ANKDD1B: variants seen among roughly 807,000 people sequenced by gnomAD.
ANKDD1B encodes ankyrin repeat and death domain containing 1B, also known as ankyrin repeat and death domain-containing protein 1B.
Under a neutral mutation model 59.7 loss-of-function variants are expected in ANKDD1B, and 57 were observed. That is an observed-to-expected ratio of 0.95 (90% CI 0.77 to 1.19). The LOEUF is 1.19. Ranked by LOEUF, ANKDD1B falls within the 50% of genes most tolerant of loss-of-function variation. The probability of loss-of-function intolerance (pLI) is 0.00; values close to 1 mark genes in which losing one functional copy is unlikely to be tolerated. For missense variants in ANKDD1B, 602 were observed against 641.9 expected, an observed-to-expected ratio of 0.94 and a Z score of 0.67; for synonymous variants, 216 against 239.5, an observed-to-expected ratio of 0.90 and a Z score of 0.91.
chr5:75,613,574 C>G (rs1046274053), intron 1 of ANKDD1B, among the ~76,000 whole-genome samples: 2 of 151,814 alleles, frequency 1.3e-5, no homozygotes, highest in African/African-American at 4.8e-5. Context: ...TATGAGGCAA[C>G]GGTATTAACT....
intron 5 of ANKDD1B, among the ~76,000 whole-genome samples, chr5:75,627,409 C>T (rs6884919): frequency 6.6e-6 from 1 of 152,174 alleles, no homozygotes; most frequent in Non-Finnish European, 1.5e-5. Context: ...AACCCCCTTT[C>T]GTTTATGCCA....
chr5:75,660,410 T>C (rs181172611), intron 10 of ANKDD1B, among the ~76,000 whole-genome samples: 1 of 152,276 alleles, frequency 6.6e-6, no homozygotes, highest in African/African-American at 2.4e-5. Context: ...ATCTATGTTG[T>C]AGCATGTGTC....
At position 75,625,902 on chromosome 5, in the gene ANKDD1B, G is replaced by A. The variant is rs115046757; in HGVS notation, c.547G>A (p.Val183Met). 7,561 of 1,536,182 alleles carry A rather than the reference G, an allele frequency of 4.9e-3. 28 individuals carry two copies. The highest frequency in any genetic ancestry group is 6.0e-3 in the Non-Finnish European group (6,914 of 1,146,878). The change falls in exon 5 of 14, where the codon GTG becomes ATG. Residue 183 changes from valine (V) to methionine (M), a missense_variant. Val to Met is a conservative substitution (Grantham distance 21). Around this residue, in one of 3 missense-constraint regions of ANKDD1B, gnomAD observed 317 missense variants for 304.6 expected, o/e 1.04. Transcript: ENST00000601380. ...FATQSNHVRI[V>M]EYLIQDLHLK... ...CACTCAGAGCAATCATGTGCGCATC[G>A]TGGAGTATCTTATTCAAGATCTGCA... is the stretch of plus-strand genomic sequence containing the variant.
At position 75,611,640 on chromosome 5, in the gene ANKDD1B, C is replaced by G. The variant is rs114367272; in HGVS notation, c.6C>G (p.Asp2Glu). 2.6e-3 allele frequency: 3,177 copies of G among 1,231,354 alleles called. 74 individuals are homozygous for G. In the African/African-American group the frequency reaches 0.044, roughly 17 times the overall value. 76.3% of individuals were successfully genotyped at this position (1,231,354 alleles called of 1,614,324 possible). A position where few individuals can be genotyped will look rare whatever the true frequency, so the allele number is the denominator to read the frequency against. The change falls in exon 1 of 14, where the codon GAC becomes GAG. Residue 2 changes from aspartate to glutamate, a missense_variant. This residue lies in a region of ANKDD1B where 317 missense variants were observed against 304.6 expected (regional missense o/e 1.04). Transcript: ENST00000601380. ...CAGGGCCCGCGGAGGAGACTATGGA[C>G]CCCGCCGGGCGCGCCCGGGGCCAAG... is the stretch of plus-strand genomic sequence containing the variant. MDPAGRARGQGA... is the reference protein window; with the variant it reads MEPAGRARGQGA...
chr5:75,651,305 G>A (rs924267118), intron 7 of ANKDD1B, among the ~76,000 whole-genome samples: 4 of 152,222 alleles, frequency 2.6e-5, no homozygotes, highest in South Asian at 2.1e-4. Flanking sequence ...TGGAAGATGT[G>A]AAAATACTTT....
chr5:75,667,731 C>G (rs1411814983), intron 12 of ANKDD1B, among the ~76,000 whole-genome samples: 1 of 152,124 alleles, frequency 6.6e-6, no homozygotes, highest in Non-Finnish European at 1.5e-5. Context: ...ATGAAGCAAA[C>G]ATGTTTCTTG....
chr5:75,666,643 A>AT (rs1230936486), intron 11 of ANKDD1B, 149 bp from the exon 12 acceptor site: 18 of 393,732 alleles, frequency 4.6e-5, no homozygotes, highest in African/African-American at 1.1e-4. Context: ...AAAAAAAAAA[A>AT]ATATATATAT....
In ANKDD1B at chr5:75,666,800, T is replaced by TGA. The variant is rs1775317137; in HGVS notation, c.1204_1205dup (p.Ser402ArgfsTer12). On this transcript the variant is annotated frameshift_variant, in exon 12 of 14. Coordinates refer to ENST00000601380, the MANE Select transcript of ANKDD1B (RefSeq NM_001276713.2). LOFTEE classifies it high-confidence loss of function. ...AATTATTTTCACTTTAGGAGCATCA[T>TGA]GAGAGCATCAGGGACCCGTCAACAG... 6.5e-7 allele frequency: 1 copy of TGA among 1,534,332 alleles called. No homozygotes were observed. Among genetic ancestry groups the TGA allele is most frequent in the African/African-American group, 1.4e-5 (1 of 73,112 alleles).
chr5:75,669,238 T>G lies in ANKDD1B; in HGVS notation c.1394-14T>G. On this transcript the variant is annotated splice_polypyrimidine_tract_variant and intron_variant, in intron 12 of 13. Transcript: ENST00000601380. ...TCGTGGTGTTTTACCTCGGACCTCTTGTGCTTGGCACAGGAAATGAAAGCT... is the reference window on the plus strand; with the variant it reads ...TCGTGGTGTTTTACCTCGGACCTCTGGTGCTTGGCACAGGAAATGAAAGCT... 1 of 1,232,068 alleles carries G rather than the reference T, an allele frequency of 8.1e-7. No homozygotes were observed. The highest frequency in any genetic ancestry group is 1.0e-6 in the Non-Finnish European group (1 of 987,906). The allele number at this position is 1,232,068 out of a possible 1,614,324, so 76.3% of individuals were successfully genotyped here. A position where few individuals can be genotyped will look rare whatever the true frequency, so the allele number is the denominator to read the frequency against.
intron 4 of ANKDD1B, 38 bp downstream of exon 4, chr5:75,625,783 C>T (rs1053875916): frequency 2.0e-6 from 3 of 1,530,240 alleles, no homozygotes; most frequent in Non-Finnish European, 2.6e-6. Context: ...AAGCTCTTAC[C>T]TCACCATTGC....
chr5:75,656,517 G>A (rs1392433059), intron 9 of ANKDD1B, among the ~76,000 whole-genome samples: 1 of 152,192 alleles, frequency 6.6e-6, no homozygotes, highest in African/African-American at 2.4e-5. Context: ...CTATATTAAA[G>A]ACAGTAAATG....
chr5:75,615,367 G>T (rs924525764), intron 1 of ANKDD1B, among the ~76,000 whole-genome samples: 1 of 152,170 alleles, frequency 6.6e-6, no homozygotes, highest in East Asian at 1.9e-4. Context: ...AGAGGCCAAG[G>T]TGTTGGATTA....
At chr5:75,667,412 G>A (rs1190079030) in intron 12 of ANKDD1B, among the ~76,000 whole-genome samples, 1 of 152,154 alleles carries the variant, frequency 6.6e-6, no homozygotes, top group Non-Finnish European at 1.5e-5. Flanking sequence ...CAATAGGCTC[G>A]CTGTTTAAGT....
chr5:75,671,102 A>G lies in ANKDD1B; in HGVS notation c.*62A>G. The G allele has an allele frequency of 1.3e-6, 1 of 785,494 alleles. No individual in the cohort carries two copies. The highest frequency in any genetic ancestry group is 1.7e-6 in the Non-Finnish European group (1 of 580,246). 48.7% of individuals were successfully genotyped at this position (785,494 alleles called of 1,614,324 possible). A position where few individuals can be genotyped will look rare whatever the true frequency, so the allele number is the denominator to read the frequency against. ...CAGCATTCAGTTCTTTTAATGCCATAAATTTCTTCTAGCAGTAGCACTGAT... is the reference window on the plus strand; with the variant it reads ...CAGCATTCAGTTCTTTTAATGCCATGAATTTCTTCTAGCAGTAGCACTGAT... On this transcript the variant is annotated 3_prime_UTR_variant, in exon 14 of 14. Transcript: ENST00000601380.
At chr5:75,636,389 G>A (rs1774304933) in intron 7 of ANKDD1B, among the ~76,000 whole-genome samples, 2 of 152,176 alleles carry the variant, frequency 1.3e-5, no homozygotes, top group South Asian at 4.1e-4. Flanking sequence ...ACCAAGGCAA[G>A]AGTATGGTGT....
At chr5:75,618,739 T>TTTTTGTTTTG (rs928633634) in intron 2 of ANKDD1B, among the ~76,000 whole-genome samples, 1 of 152,076 alleles carries the variant, frequency 6.6e-6, no homozygotes, top group Non-Finnish European at 1.5e-5. Flanking sequence ...CTGATGGGTT[T>TTTTTGTTTTG]TTTTGTTTTG....
At chr5:75,638,859 A>G (rs1363742245) in intron 7 of ANKDD1B, among the ~76,000 whole-genome samples, 2 of 152,142 alleles carry the variant, frequency 1.3e-5, no homozygotes, top group South Asian at 2.1e-4. Flanking sequence ...TATGTACAAT[A>G]TATTTTTCAT....
rs547089898 is a variant in ANKDD1B at position 75,640,727 on chromosome 5, C to T, written c.798+4845C>T. On this transcript the variant is annotated intron_variant, in intron 7 of 13. Transcript: ENST00000601380. ...AAGTATGTGTTCCAGACCATGTTCA[C>T]TCATGCAGTGGGAAGGAGACTTAAA... Among the ~76,000 whole-genome samples, 12 of 152,326 alleles carry T rather than the reference C, an allele frequency of 7.9e-5. No individual in the cohort carries two copies. In the East Asian group the frequency reaches 2.1e-3, roughly 27 times the overall value.
At chr5:75,635,624 G>A in intron 6 of ANKDD1B, 160 bp from the exon 7 acceptor site, 1 of 414,994 alleles carries the variant, frequency 2.4e-6, no homozygotes, top group Admixed American at 4.3e-5. Context: ...ACTTAAAAAT[G>A]TATAAATTTC....
Sources: gnomAD v4.1 joint callset for allele counts (sites outside exome capture counted in the v4.1 genomes callset) on GRCh38, gnomAD v4.1.1 for gene constraint, gnomAD v4.1.1 regional missense constraint, MANE v1.5 for transcripts, NCBI Gene and HGNC (gene_info 2026-07-23, HGNC 2026-07-21) for gene names.